ZFYVE28: variants seen among roughly 807,000 people sequenced by gnomAD.
The protein encoded by ZFYVE28 is lateral signaling target protein 2 homolog.
ZFYVE28 carries 40 observed loss-of-function variants against 82.1 expected under a neutral mutation model. The observed-to-expected ratio is 0.49, with a 90% CI of 0.38 to 0.63. The LOEUF (loss-of-function observed/expected upper bound fraction) is 0.63. Ranked by LOEUF, ZFYVE28 falls within the 30% of genes least tolerant of loss-of-function variation. ZFYVE28 has a pLI of 0.00. For synonymous variants in ZFYVE28, 612 were observed against 546.1 expected, an observed-to-expected ratio of 1.12 and a Z score of -1.68; for missense variants, 1,321 against 1,242.1, an observed-to-expected ratio of 1.06 and a Z score of -0.96.
rs1430831778 is a variant in ZFYVE28 at position 2,320,441 on chromosome 4, A to C, written c.702-170T>G. Reference sequence around the variant, plus strand: ...GCCTTGTGTGATTGCATTGTAAATAAGTTTAGAAAAAAGCAGTGAGAATTA... The same window carrying C: ...GCCTTGTGTGATTGCATTGTAAATACGTTTAGAAAAAAGCAGTGAGAATTA... On this transcript the variant is annotated intron_variant, in intron 6 of 12. Coordinates refer to ENST00000290974, the MANE Select transcript of ZFYVE28 (RefSeq NM_020972.3). This position sits in a 1 kb window ranked among gnomAD's most constrained non-coding sequence, Gnocchi z 5.1. 6.6e-6 allele frequency among the ~76,000 whole-genome samples: 1 copy of C among 152,220 alleles called. No individual in the cohort carries two copies. Among genetic ancestry groups the C allele is most frequent in the African/African-American group, 2.4e-5 (1 of 41,448 alleles).
intron 1 of ZFYVE28, among the ~76,000 whole-genome samples, chr4:2,400,253 C>T (rs1006565420): frequency 2.0e-5 from 3 of 152,196 alleles, no homozygotes; most frequent in African/African-American, 4.8e-5. Flanking sequence ...TGGTCTGGTC[C>T]GTCGCAGAAT....
intron 1 of ZFYVE28, chr4:2,364,491 G>A (rs1332566051): frequency 1.0e-6 from 1 of 985,484 alleles, no homozygotes; most frequent in Non-Finnish European, 1.2e-6. Flanking sequence ...TTTACCCAGA[G>A]GGTGGCTGTG....
At chr4:2,313,624 G>A (rs564394581) in intron 7 of ZFYVE28, among the ~76,000 whole-genome samples, 1 of 152,218 alleles carries the variant, frequency 6.6e-6, no homozygotes, top group East Asian at 1.9e-4. Flanking sequence ...CCAGCACTTC[G>A]GGAGGCCGAG....
chr4:2,381,069 T>C (rs1728683634), intron 1 of ZFYVE28, among the ~76,000 whole-genome samples: 1 of 152,180 alleles, frequency 6.6e-6, no homozygotes, highest in South Asian at 2.1e-4. Flanking sequence ...ATTTGGAACT[T>C]CCTAGAGACT....
chr4:2,370,456 G>A (rs3128808), intron 1 of ZFYVE28, among the ~76,000 whole-genome samples: 99,852 of 151,966 alleles, frequency 0.66, 33,236 homozygotes, highest in East Asian at 0.8. Flanking sequence ...CTTGGGGGTA[G>A]GGATTCCCTA....
intron 8 of ZFYVE28, chr4:2,285,310 CAAG>C (rs1712549416): frequency 6.6e-6 from 1 of 152,272 alleles, no homozygotes; most frequent in Non-Finnish European, 1.5e-5. Flanking sequence ...TCCAGAACTG[CAAG>C]ACAACAAACG....
At chr4:2,368,119 T>C (rs944679425) in intron 1 of ZFYVE28, among the ~76,000 whole-genome samples, 2 of 148,914 alleles carry the variant, frequency 1.3e-5, no homozygotes, top group African/African-American at 5.0e-5. Context: ...CCAGGCACGA[T>C]GGCACTTTGG....
At chr4:2,374,650 G>A (rs4518315) in intron 1 of ZFYVE28, among the ~76,000 whole-genome samples, 23,246 of 151,942 alleles carry the variant, frequency 0.15, 2,157 homozygotes, top group Middle Eastern at 0.28. Flanking sequence ...AGGAGAAGGA[G>A]GAGGAGGGGG....
intron 8 of ZFYVE28, among the ~76,000 whole-genome samples, chr4:2,303,835 C>T (rs1016512194): frequency 1.2e-4 from 19 of 152,250 alleles, no homozygotes; most frequent in African/African-American, 4.6e-4. Flanking sequence ...CGGTGTGAGC[C>T]AGGCAGCCAC....
chr4:2,318,058 A>G (rs1324799328), intron 7 of ZFYVE28, among the ~76,000 whole-genome samples: 1 of 152,204 alleles, frequency 6.6e-6, no homozygotes, highest in Non-Finnish European at 1.5e-5. Context: ...CCAAGCTGCC[A>G]GCCTGTTTCA....
chr4:2,360,412 C>A lies in ZFYVE28; in HGVS notation c.40-6339G>T, dbSNP rs1348279076. 9.3e-4 allele frequency among the ~76,000 whole-genome samples: 141 copies of A among 151,700 alleles called. 2 individuals carry two copies. The highest frequency in any genetic ancestry group is 3.4e-3 in the Middle Eastern group (1 of 294). ...AATCACACACACACACACACACACA[C>A]ACACACACACACACAGGCACGCACG... On this transcript the variant is annotated intron_variant, in intron 1 of 12. Transcript: ENST00000290974.
At chr4:2,406,034 ATGGATTCTGTCT>A (rs1731854664) in intron 1 of ZFYVE28, among the ~76,000 whole-genome samples, 2 of 134,878 alleles carry the variant, frequency 1.5e-5, no homozygotes, top group South Asian at 2.4e-4. Flanking sequence ...GGGCCACAGA[ATGGATTCTGTCT>A]CAAAAAAAAA....
intron 8 of ZFYVE28, among the ~76,000 whole-genome samples, chr4:2,279,311 A>G (rs1033855192): frequency 6.6e-6 from 1 of 152,156 alleles, no homozygotes; most frequent in African/African-American, 2.4e-5. Flanking sequence ...GCATGCCTGT[A>G]ATCCCAGCTA....
chr4:2,304,180 T>C, intron 8 of ZFYVE28, 109 bp downstream of exon 8: 1 of 1,401,902 alleles, frequency 7.1e-7, no homozygotes, highest in Non-Finnish European at 9.5e-7. Flanking sequence ...CACCTGCCGG[T>C]GGCCAAGATG....
intron 1 of ZFYVE28, among the ~76,000 whole-genome samples, chr4:2,375,168 G>A (rs551843093): frequency 6.2e-4 from 95 of 152,302 alleles, no homozygotes; most frequent in African/African-American, 1.6e-3. Context: ...GGCAAAATGC[G>A]GAGCCACCGT....
chr4:2,401,241 G>A (rs1285010957), intron 1 of ZFYVE28, among the ~76,000 whole-genome samples: 1 of 152,218 alleles, frequency 6.6e-6, no homozygotes, highest in Non-Finnish European at 1.5e-5. Context: ...CCTTGCAGTG[G>A]TCACAGCTCA....
chr4:2,402,365 G>A (rs957883911), intron 1 of ZFYVE28, among the ~76,000 whole-genome samples: 2 of 152,136 alleles, frequency 1.3e-5, no homozygotes, highest in African/African-American at 4.8e-5. Flanking sequence ...CTCCCGCCCC[G>A]CCCGCTGCAG....
Position 2,418,186 on chromosome 4 carries a change from G to T in ZFYVE28, c.39+99C>A. The T allele has an allele frequency of 1.7e-6, 2 of 1,196,970 alleles. No homozygotes were observed. Among genetic ancestry groups the T allele is most frequent in the Non-Finnish European group, 2.3e-6 (2 of 884,912 alleles). The allele number at this position is 1,196,970 out of a possible 1,614,324, so 74.1% of individuals were successfully genotyped here. ...GCGGTGGGGGAAGAGGCCGGCCACG[G>T]ACAGGGAAAGGGAGTCCGTCTTGTA... On this transcript the variant is annotated intron_variant, in intron 1 of 12. Transcript: ENST00000290974. The surrounding 1 kb of genome is among the most constrained non-coding windows in gnomAD (Gnocchi z 4.6).
chr4:2,365,855 A>G (rs996211281), intron 1 of ZFYVE28, among the ~76,000 whole-genome samples: 1 of 152,176 alleles, frequency 6.6e-6, no homozygotes, highest in East Asian at 1.9e-4. Flanking sequence ...ACAAGCACGC[A>G]TGTTTGTTTT....
Sources: gnomAD v4.1 joint callset for allele counts (sites outside exome capture counted in the v4.1 genomes callset) on GRCh38, gnomAD v4.1.1 for gene constraint, Gnocchi (gnomAD v3.1) non-coding constraint, MANE v1.5 for transcripts, NCBI Gene and HGNC (gene_info 2026-07-23, HGNC 2026-07-21) for gene names.